The following NFIB variants were observed in gnomAD, a reference collection of about 807,000 sequenced individuals.
NFIB encodes the protein nuclear factor I B.
A neutral mutation model predicts 61.5 loss-of-function variants in NFIB; 11 were observed. The ratio of observed to expected loss-of-function variants is 0.18; its 90% CI spans 0.11 to 0.30. NFIB has a LOEUF of 0.30. Ranked by LOEUF, NFIB falls within the 10% of genes least tolerant of loss-of-function variation. NFIB has a pLI of 1.00. For synonymous variants in NFIB, 260 were observed against 216.5 expected, an observed-to-expected ratio of 1.20 and a Z score of -1.76; for missense variants, 471 against 608.9, an observed-to-expected ratio of 0.77 and a Z score of 2.38.
At chr9:14,304,940 A>G (rs2059940572) in intron 2 of NFIB, among the ~76,000 whole-genome samples, 1 of 152,236 alleles carries the variant, frequency 6.6e-6, no homozygotes, top group South Asian at 2.1e-4. Context: ...ACAGATGTTA[A>G]GAGAAGATGA....
rs527583286 is a variant in NFIB, at chr9:14,313,283, T to G, written c.30+199A>C. Among the ~76,000 whole-genome samples, 1 of 151,584 alleles carries G rather than the reference T, an allele frequency of 6.6e-6. No homozygotes were observed. Among genetic ancestry groups the G allele is most frequent in the East Asian group, 1.9e-4 (1 of 5,142 alleles). On this transcript the variant is annotated intron_variant, in intron 1 of 10. Coordinates refer to ENST00000380953, the MANE Select transcript of NFIB (RefSeq NM_001190737.2). The surrounding 1 kb of genome is among the most constrained non-coding windows in gnomAD (Gnocchi z 4.5). ...GCGCTCCGTGCCCAGGGCGCGGGGC[T>G]GGGCGCTCGCAGTGGCCGTGGCGAG...
intron 2 of NFIB, among the ~76,000 whole-genome samples, chr9:14,285,808 C>G (rs1373830471): frequency 2.6e-5 from 4 of 152,294 alleles, no homozygotes; most frequent in African/African-American, 7.2e-5. Flanking sequence ...AAATCCTACC[C>G]ACCTTAAGTG....
chr9:14,441,134 CAA>C, the NFIB span, among the ~76,000 whole-genome samples: 282 of 100,924 alleles, frequency 2.8e-3, no homozygotes, highest in Middle Eastern at 0.01. Flanking sequence ...TGAGTGGGTT[CAA>C]AAAAAAAAAA....
rs1441458326 is a variant in NFIB, at chr9:14,116,355, C to A, written c.1246-9G>T. ...TGACCACTGCCGTTAGGCTACAAAA[C>A]AAAAACAGAATGCCGGGTGAAGCAA... On this transcript the variant is annotated splice_polypyrimidine_tract_variant and intron_variant, in intron 8 of 10. Transcript: ENST00000380953. The A allele has an allele frequency of 6.7e-7, 1 of 1,493,410 alleles. No individual in the cohort carries two copies. Among genetic ancestry groups the A allele is most frequent in the Non-Finnish European group, 8.9e-7 (1 of 1,117,928 alleles). 92.5% of individuals were successfully genotyped at this position (1,493,410 alleles called of 1,614,324 possible). A position where few individuals can be genotyped will look rare whatever the true frequency, so the allele number is the denominator to read the frequency against.
At chr9:14,175,576 T>C (rs933789250) in intron 3 of NFIB, among the ~76,000 whole-genome samples, 3 of 152,160 alleles carry the variant, frequency 2.0e-5, no homozygotes, top group African/African-American at 7.2e-5. Flanking sequence ...TCATCCTTGC[T>C]CCAGAGAGGA....
At chr9:14,248,007 A>G (rs1447467001) in intron 2 of NFIB, among the ~76,000 whole-genome samples, 2 of 148,602 alleles carry the variant, frequency 1.3e-5, no homozygotes, top group African/African-American at 2.5e-5. Context: ...ATCAAAGCTC[A>G]CTGTAACTCT....
chr9:14,452,737 A>C, the NFIB span, among the ~76,000 whole-genome samples: 1 of 152,292 alleles, frequency 6.6e-6, no homozygotes, highest in South Asian at 2.1e-4. Context: ...ATATCTGCCA[A>C]AACATTAGGC....
chr9:14,451,943 T>C, the NFIB span, among the ~76,000 whole-genome samples: 2 of 152,174 alleles, frequency 1.3e-5, no homozygotes, highest in African/African-American at 4.8e-5. Flanking sequence ...ACATAATATC[T>C]TTATGGTACT....
chr9:14,475,364 T>C, the NFIB span, among the ~76,000 whole-genome samples: 1 of 152,154 alleles, frequency 6.6e-6, no homozygotes, highest in East Asian at 1.9e-4. Flanking sequence ...CGACCATTAG[T>C]GTGATAAAAT....
chr9:14,134,963 C>T (rs983483356), intron 6 of NFIB, among the ~76,000 whole-genome samples: 2 of 131,596 alleles, frequency 1.5e-5, no homozygotes, highest in Non-Finnish European at 3.3e-5. Context: ...ATTATAAAGA[C>T]AAAAAAACTT....
At chr9:14,430,964 T>A in the NFIB span, among the ~76,000 whole-genome samples, 1 of 152,262 alleles carries the variant, frequency 6.6e-6, no homozygotes, top group Admixed American at 6.5e-5. Context: ...CATGAACAGG[T>A]ATTACGTTTG....
chr9:14,494,891 T>G, the NFIB span, among the ~76,000 whole-genome samples: 1 of 152,206 alleles, frequency 6.6e-6, no homozygotes, highest in Non-Finnish European at 1.5e-5. Flanking sequence ...ACTCATTAAT[T>G]CACAGAATCT....
chr9:14,124,086 C>T (rs1038117373), intron 7 of NFIB, among the ~76,000 whole-genome samples: 1 of 152,162 alleles, frequency 6.6e-6, no homozygotes, highest in African/African-American at 2.4e-5. Flanking sequence ...AACGATCTTT[C>T]TGAACAAGAT....
intron 2 of NFIB, among the ~76,000 whole-genome samples, chr9:14,303,336 T>C (rs116468209): frequency 0.01 from 1,573 of 152,296 alleles, 28 homozygotes; most frequent in African/African-American, 0.036. Context: ...ATAGGACACT[T>C]ACATCCCAGG....
chr9:14,202,498 C>T (rs2049151946), intron 2 of NFIB, among the ~76,000 whole-genome samples: 1 of 152,120 alleles, frequency 6.6e-6, no homozygotes, highest in Admixed American at 6.5e-5. Flanking sequence ...TGGAGCCACA[C>T]TACATGAAAG....
At chr9:14,398,877 T>C (rs2133049881) in exon 1 of NFIB, 1 of 389,734 alleles carries the variant, frequency 2.6e-6, no homozygotes, top group East Asian at 4.4e-5. Flanking sequence ...CCACTAACAG[T>C]CTTGCTCCGA....
intron 10 of NFIB, among the ~76,000 whole-genome samples, chr9:14,108,202 TATG>T (rs1193487682): frequency 1.3e-5 from 2 of 152,110 alleles, no homozygotes; most frequent in Admixed American, 6.6e-5. Context: ...AGCTGTCAAT[TATG>T]ATAACAGACA....
chr9:14,216,527 TCTCTCTCTCTCTCTCC>T (rs146551085), intron 2 of NFIB, among the ~76,000 whole-genome samples: 774 of 30,630 alleles, frequency 0.025, 12 homozygotes, highest in African/African-American at 0.12. Context: ...TCTCTCTCTC[TCTCTCTCTCTCTCTCC>T]CTCTGTGTGT....
chr9:14,253,220 T>C (rs2055850870), intron 2 of NFIB, among the ~76,000 whole-genome samples: 1 of 152,224 alleles, frequency 6.6e-6, no homozygotes, highest in African/African-American at 2.4e-5. Flanking sequence ...GGTCTTTTAT[T>C]TCCTTCTCAG....
Sources: gnomAD v4.1 joint callset for allele counts (sites outside exome capture counted in the v4.1 genomes callset) on GRCh38, gnomAD v4.1.1 for gene constraint, Gnocchi (gnomAD v3.1) non-coding constraint, MANE v1.5 for transcripts, NCBI Gene and HGNC (gene_info 2026-07-23, HGNC 2026-07-21) for gene names.